PAPPA2: variants seen among roughly 807,000 people sequenced by gnomAD.
PAPPA2 encodes the protein pappalysin-2.
PAPPA2 carries 86 observed loss-of-function variants against 176.4 expected under a neutral mutation model. The ratio of observed to expected loss-of-function variants is 0.49; its 90% CI spans 0.41 to 0.58. PAPPA2 has a LOEUF of 0.58. PAPPA2 is among the 20% of genes least tolerant of loss of function. The pLI, the probability that PAPPA2 is intolerant of heterozygous loss-of-function variation, is 0.00. For synonymous variants in PAPPA2, 809 were observed against 852.2 expected (o/e 0.95, Z 0.88); for missense variants, 2,073 against 2,256.9 (o/e 0.92, Z 1.65).
intron 4 of PAPPA2, among the ~76,000 whole-genome samples, chr1:176,688,321 C>T (rs968074645): frequency 4.6e-5 from 7 of 152,092 alleles, no homozygotes; most frequent in African/African-American, 1.4e-4. Context: ...TTGATACTGC[C>T]GTTAGAGGAC....
At chr1:176,780,412 G>T (rs1292162638) in intron 17 of PAPPA2, among the ~76,000 whole-genome samples, 1 of 152,114 alleles carries the variant, frequency 6.6e-6, no homozygotes, top group Non-Finnish European at 1.5e-5. Flanking sequence ...CTCTTCCCCT[G>T]CCCTGACTCT....
At chr1:176,741,817 A>G (rs906713677) in intron 14 of PAPPA2, among the ~76,000 whole-genome samples, 15 of 152,342 alleles carry the variant, frequency 9.8e-5, no homozygotes, top group African/African-American at 3.1e-4. Flanking sequence ...AAGAATGTAG[A>G]CTATTAAAAT....
chr1:176,708,283 T>C (rs965083014), intron 10 of PAPPA2, among the ~76,000 whole-genome samples: 1 of 152,132 alleles, frequency 6.6e-6, no homozygotes, highest in African/African-American at 2.4e-5. Flanking sequence ...AAATGATATA[T>C]TCCAACAGTA....
chr1:176,573,888 G>C (rs1244361923), intron 2 of PAPPA2, among the ~76,000 whole-genome samples: 1 of 152,088 alleles, frequency 6.6e-6, no homozygotes, highest in Non-Finnish European at 1.5e-5. Flanking sequence ...GGTCAAGTCA[G>C]TAACTGTTCT....
intron 3 of PAPPA2, among the ~76,000 whole-genome samples, chr1:176,624,221 CCTTT>C (rs1655879071): frequency 6.6e-6 from 1 of 152,178 alleles, no homozygotes; most frequent in Non-Finnish European, 1.5e-5. Context: ...TATGCTCCTT[CCTTT>C]ATGTTATATC....
At chr1:176,478,316 G>A (rs1181764025) in intron 1 of PAPPA2, among the ~76,000 whole-genome samples, 1 of 152,174 alleles carries the variant, frequency 6.6e-6, no homozygotes, top group East Asian at 1.9e-4. Flanking sequence ...GGAGTAAAGG[G>A]TAATGGCTAA....
chr1:176,584,470 T>C (rs1487685643), intron 2 of PAPPA2, among the ~76,000 whole-genome samples: 1 of 152,188 alleles, frequency 6.6e-6, no homozygotes, highest in East Asian at 1.9e-4. Context: ...CTGTTCATTT[T>C]TGATTTCCAT....
chr1:176,609,488 G>A (rs559221324), intron 3 of PAPPA2, among the ~76,000 whole-genome samples: 1 of 152,258 alleles, frequency 6.6e-6, no homozygotes, highest in South Asian at 2.1e-4. Flanking sequence ...TGCCATGGAA[G>A]CGAAGTGTAT....
Position 176,699,082 on chromosome 1 carries a change from C to G in PAPPA2, c.2747-18C>G. Reference sequence around the variant, plus strand: ...TAATGGCTGCTACTGATGTATCTTTCTGCTAATCTCCCCCCAGGGCCTCCT... The same window carrying G: ...TAATGGCTGCTACTGATGTATCTTTGTGCTAATCTCCCCCCAGGGCCTCCT... On this transcript the variant is annotated intron_variant, in intron 7 of 22. Coordinates refer to ENST00000367662, the MANE Select transcript of PAPPA2 (RefSeq NM_020318.3). The G allele has an allele frequency of 6.9e-6, 11 of 1,596,078 alleles. No individual in the cohort carries two copies. Among genetic ancestry groups the G allele is most frequent in the Non-Finnish European group, 9.4e-6 (11 of 1,168,854 alleles).
At chr1:176,656,274 C>T (rs1658025464) in intron 3 of PAPPA2, among the ~76,000 whole-genome samples, 1 of 151,806 alleles carries the variant, frequency 6.6e-6, no homozygotes, top group Admixed American at 6.6e-5. Context: ...TATTGCTCTG[C>T]TGTAGAATCC....
intron 3 of PAPPA2, 94 bp downstream of exon 3, chr1:176,595,689 TC>T (rs1449308314): frequency 1.7e-6 from 2 of 1,211,964 alleles, no homozygotes; most frequent in African/African-American, 3.0e-5. Context: ...GTTCACACAC[TC>T]CCTGAATAAG....
At chr1:176,811,940 G>A (rs1168250975) in intron 21 of PAPPA2, among the ~76,000 whole-genome samples, 1 of 151,776 alleles carries the variant, frequency 6.6e-6, no homozygotes, top group Admixed American at 6.6e-5. Flanking sequence ...TTTTAAAAAA[G>A]TAAAACATTA....
intron 3 of PAPPA2, among the ~76,000 whole-genome samples, chr1:176,659,426 A>C (rs1013072567): frequency 6.6e-6 from 1 of 152,022 alleles, no homozygotes; most frequent in Non-Finnish European, 1.5e-5. Flanking sequence ...CCTGTGTCCA[A>C]ATTTCCTTTT....
chr1:176,731,561 C>T (rs922177347), intron 12 of PAPPA2, among the ~76,000 whole-genome samples: 2 of 152,002 alleles, frequency 1.3e-5, no homozygotes, highest in Non-Finnish European at 2.9e-5. Context: ...ATCTGCCAGC[C>T]TCAACCTCCT....
At chr1:176,560,898 T>C (rs941128560) in intron 2 of PAPPA2, among the ~76,000 whole-genome samples, 27 of 152,358 alleles carry the variant, frequency 1.8e-4, no homozygotes, top group African/African-American at 5.8e-4. Context: ...ACTAAGTCCA[T>C]GGCAGAATTG....
At chr1:176,621,269 T>G (rs1655579712) in intron 3 of PAPPA2, among the ~76,000 whole-genome samples, 1 of 152,202 alleles carries the variant, frequency 6.6e-6, no homozygotes, top group African/African-American at 2.4e-5. Context: ...ATTGTTTTAT[T>G]TTTTTAATCC....
intron 1 of PAPPA2, among the ~76,000 whole-genome samples, chr1:176,534,982 T>A (rs1371324455): frequency 2.0e-5 from 3 of 152,134 alleles, no homozygotes; most frequent in African/African-American, 7.2e-5. Flanking sequence ...AAATTACTCT[T>A]CCCTGTGTTC....
intron 1 of PAPPA2, among the ~76,000 whole-genome samples, chr1:176,543,761 C>G (rs965534646): frequency 6.6e-6 from 1 of 152,046 alleles, no homozygotes; most frequent in Non-Finnish European, 1.5e-5. Flanking sequence ...CTGTTGCCAG[C>G]AAGGGGTTGT....
chr1:176,483,302 T>C (rs1168216585), intron 1 of PAPPA2, among the ~76,000 whole-genome samples: 1 of 152,082 alleles, frequency 6.6e-6, no homozygotes, highest in Non-Finnish European at 1.5e-5. Context: ...TGTTTTATGC[T>C]AGCCTATTGT....
Sources: gnomAD v4.1 joint callset for allele counts (sites outside exome capture counted in the v4.1 genomes callset) on GRCh38, gnomAD v4.1.1 for gene constraint, MANE v1.5 for transcripts, NCBI Gene and HGNC (gene_info 2026-07-23, HGNC 2026-07-21) for gene names.